The following VRK2 variants were observed in gnomAD, a reference collection of about 807,000 sequenced individuals.
VRK2 encodes VRK serine/threonine kinase 2, also known as serine/threonine-protein kinase VRK2.
A neutral mutation model predicts 57.6 loss-of-function variants in VRK2; 60 were observed. The ratio of observed to expected loss-of-function variants is 1.04; its 90% CI spans 0.85 to 1.29. The LOEUF is 1.29. VRK2 is among the 50% of genes most tolerant of loss of function. The pLI is 0.00. For missense variants in VRK2, 705 were observed against 588.1 expected, an observed-to-expected ratio of 1.20 and a Z score of -2.06; for synonymous variants, 231 against 199.2, an observed-to-expected ratio of 1.16 and a Z score of -1.35.
intron 1 of VRK2, among the ~76,000 whole-genome samples, chr2:57,948,076 A>C (rs115316161): frequency 6.6e-6 from 1 of 152,162 alleles, no homozygotes; most frequent in African/African-American, 2.4e-5. Context: ...AGTTCCCAGA[A>C]CTAGACTTAA....
chr2:57,979,348 A>G lies in VRK2; in HGVS notation c.-438-46317A>G, dbSNP rs142303074. On this transcript the variant is annotated intron_variant, in intron 1 of 15. Coordinates refer to the VRK2 transcript ENST00000417641. ...GTCTATTGTTTCCTGACTTTTTACT[A>G]ATCGCTGTTCTGACTGGCATGCGAT... Among the ~76,000 whole-genome samples, 359 of 151,234 alleles carry G rather than the reference A, an allele frequency of 2.4e-3. 20 individuals are homozygous for G. Among genetic ancestry groups the G allele is most frequent in the African/African-American group, 8.6e-3 (349 of 40,570 alleles).
chr2:58,123,646 G>T (rs1187909317), intron 8 of VRK2, among the ~76,000 whole-genome samples: 1 of 152,136 alleles, frequency 6.6e-6, no homozygotes, highest in Non-Finnish European at 1.5e-5. Flanking sequence ...AGGATCGCTT[G>T]AGTCTAGGAG....
chr2:58,102,695 T>G (rs980050245), intron 7 of VRK2, among the ~76,000 whole-genome samples: 17 of 151,442 alleles, frequency 1.1e-4, no homozygotes, highest in Admixed American at 1.1e-3. Flanking sequence ...GACAGATCAT[T>G]GAGACAGAAA....
At chr2:58,071,317 T>C (rs2103989838) in intron 2 of VRK2, among the ~76,000 whole-genome samples, 1 of 152,214 alleles carries the variant, frequency 6.6e-6, no homozygotes, top group Admixed American at 6.6e-5. Flanking sequence ...AAGTCCAATT[T>C]AACAGTTCTT....
intron 1 of VRK2, among the ~76,000 whole-genome samples, chr2:57,975,612 C>T (rs1672226224): frequency 6.6e-6 from 1 of 151,928 alleles, no homozygotes; most frequent in Admixed American, 6.6e-5. Flanking sequence ...GCAAACATAG[C>T]ACCCAGTAGG....
At chr2:57,999,160 A>C (rs1421453591) in intron 1 of VRK2, among the ~76,000 whole-genome samples, 1 of 152,194 alleles carries the variant, frequency 6.6e-6, no homozygotes, top group African/African-American at 2.4e-5. Flanking sequence ...AAACACCTCC[A>C]TCTTAAATCA....
chr2:58,061,243 TTAATAA>T (rs894916416), intron 2 of VRK2, among the ~76,000 whole-genome samples: 21 of 151,854 alleles, frequency 1.4e-4, no homozygotes, highest in African/African-American at 4.6e-4. Flanking sequence ...ATGTATTTAG[TTAATAA>T]TAATAAAAAC....
intron 1 of VRK2, among the ~76,000 whole-genome samples, chr2:57,937,888 A>G (rs1440023957): frequency 7.3e-6 from 1 of 136,692 alleles, no homozygotes; most frequent in African/African-American, 2.7e-5. Context: ...CTGGAGTGCA[A>G]TGGCATGATC....
intron 1 of VRK2, among the ~76,000 whole-genome samples, chr2:57,942,531 TC>T (rs1558505179): frequency 6.6e-6 from 1 of 151,666 alleles, no homozygotes; most frequent in Non-Finnish European, 1.5e-5. Flanking sequence ...TAAATGTCAT[TC>T]CAAAACAAAA....
intron 7 of VRK2, among the ~76,000 whole-genome samples, chr2:58,119,246 C>T (rs564810418): frequency 4.0e-5 from 6 of 151,722 alleles, no homozygotes; most frequent in African/African-American, 1.5e-4. Flanking sequence ...GCCTGTAATC[C>T]CAGCACTTTG....
chr2:57,917,262 A>G (rs573687545), intron 1 of VRK2, among the ~76,000 whole-genome samples: 1 of 151,796 alleles, frequency 6.6e-6, no homozygotes, highest in East Asian at 1.9e-4. Flanking sequence ...AGACCTACTC[A>G]CTCTCTCACT....
At chr2:58,058,948 A>T (rs1396367957) in intron 2 of VRK2, among the ~76,000 whole-genome samples, 1 of 152,098 alleles carries the variant, frequency 6.6e-6, no homozygotes, top group Non-Finnish European at 1.5e-5. Context: ...AATAGTGACA[A>T]GTGGCATGCT....
At position 58,144,572 on chromosome 2, in the gene VRK2, C is replaced by T. The variant is rs1033595082; in HGVS notation, c.1024-1744C>T. ...ATCTCACCCTTTATAACATGGAACA[C>T]ATTTTCACAAGAATTGGTAAGCCAA... On this transcript the variant is annotated intron_variant, in intron 11 of 12. Transcript: ENST00000340157. Among the ~76,000 whole-genome samples, 6 of 152,054 alleles carry T rather than the reference C, an allele frequency of 3.9e-5. No homozygotes were observed. In the South Asian group the frequency reaches 1.2e-3, roughly 32 times the overall value.
At chr2:58,075,678 G>T (rs933802287) in intron 2 of VRK2, among the ~76,000 whole-genome samples, 2 of 152,128 alleles carry the variant, frequency 1.3e-5, no homozygotes, top group African/African-American at 4.8e-5. Flanking sequence ...CCCAGGATGT[G>T]ACCTTCACCA....
At chr2:58,020,737 T>C (rs889348969) in intron 1 of VRK2, among the ~76,000 whole-genome samples, 2 of 152,234 alleles carry the variant, frequency 1.3e-5, no homozygotes, top group Non-Finnish European at 2.9e-5. Context: ...CAACTGAACA[T>C]TTTTTAAAGT....
At chr2:58,090,628 A>T (rs1350031475) in intron 7 of VRK2, among the ~76,000 whole-genome samples, 2 of 152,250 alleles carry the variant, frequency 1.3e-5, no homozygotes, top group East Asian at 3.9e-4. Flanking sequence ...AAAATGATAC[A>T]GCCACTTTGG....
intron 1 of VRK2, 197 bp from the exon 2 acceptor site, chr2:58,048,630 A>G: frequency 6.7e-7 from 1 of 1,498,964 alleles, no homozygotes; most frequent in East Asian, 2.7e-5. Flanking sequence ...TACCTCTTAG[A>G]TCTCAGTATT....
At chr2:57,993,594 G>A (rs1572753570) in intron 1 of VRK2, among the ~76,000 whole-genome samples, 1 of 152,186 alleles carries the variant, frequency 6.6e-6, no homozygotes, top group Admixed American at 6.5e-5. Context: ...TTCATTCAAA[G>A]AAGTAACTGA....
intron 1 of VRK2, among the ~76,000 whole-genome samples, chr2:58,000,848 T>C (rs1046354677): frequency 5.3e-5 from 8 of 152,226 alleles, no homozygotes; most frequent in African/African-American, 1.9e-4. Flanking sequence ...TAGATAGTAA[T>C]AATACAAATA....
Sources: allele counts gnomAD v4.1 joint callset (sites outside exome capture counted in the v4.1 genomes callset), GRCh38; gene constraint gnomAD v4.1.1; transcripts MANE v1.5; gene names NCBI Gene and HGNC (gene_info 2026-07-23, HGNC 2026-07-21).